Variants in VAT1L observed in about 807,000 individuals in gnomAD.
VAT1L encodes the protein putative NADPH-dependent quinone oxidoreductase VAT1L.
VAT1L carries 34 observed loss-of-function variants against 44.1 expected under a neutral mutation model. The observed-to-expected ratio is 0.77, with a 90% CI of 0.59 to 1.03. The LOEUF is 1.03. Among genes scored for constraint, VAT1L ranks in the 50% least tolerant of loss-of-function variants. VAT1L has a pLI of 0.00. For missense variants in VAT1L, 615 were observed against 538.8 expected (o/e 1.14, Z -1.40); for synonymous variants, 253 against 202.2 (o/e 1.25, Z -2.13).
chr16:77,789,605 T>A (rs1278390820), intron 1 of VAT1L, among the ~76,000 whole-genome samples: 1 of 152,120 alleles, frequency 6.6e-6, no homozygotes, highest in African/African-American at 2.4e-5. Context: ...AGAGGGTCGG[T>A]ACCTTGCACC....
At chr16:77,932,749 T>G (rs1255824809) in intron 7 of VAT1L, among the ~76,000 whole-genome samples, 1 of 152,180 alleles carries the variant, frequency 6.6e-6, no homozygotes, top group African/African-American at 2.4e-5. Context: ...CTGGCCACAG[T>G]ACCTCCAAGC....
At chr16:77,919,176 G>C (rs1348967236) in intron 7 of VAT1L, among the ~76,000 whole-genome samples, 1 of 152,132 alleles carries the variant, frequency 6.6e-6, no homozygotes, top group Non-Finnish European at 1.5e-5. Context: ...ATGTGTGCAT[G>C]TGCATGTGTG....
At chr16:77,858,965 G>A (rs548082570) in intron 3 of VAT1L, among the ~76,000 whole-genome samples, 45 of 151,988 alleles carry the variant, frequency 3.0e-4, no homozygotes, top group South Asian at 1.9e-3. Flanking sequence ...GAGAAACCCC[G>A]TCTCTACTAA....
chr16:77,919,919 T>C (rs774843553), intron 7 of VAT1L, among the ~76,000 whole-genome samples: 2 of 152,054 alleles, frequency 1.3e-5, no homozygotes, highest in Non-Finnish European at 2.9e-5. Flanking sequence ...AAACCCCATC[T>C]CTACTAAATA....
At chr16:77,974,678 T>C (rs1193423515) in intron 8 of VAT1L, among the ~76,000 whole-genome samples, 2 of 152,088 alleles carry the variant, frequency 1.3e-5, no homozygotes, top group Non-Finnish European at 2.9e-5. Context: ...TCCTCCCACC[T>C]CAGTCTCCTG....
chr16:77,829,084 C>G (rs59847330), intron 3 of VAT1L, among the ~76,000 whole-genome samples: 1 of 152,254 alleles, frequency 6.6e-6, no homozygotes, highest in East Asian at 1.9e-4. Context: ...AACTACGATT[C>G]GTACCTCAAT....
intron 2 of VAT1L, among the ~76,000 whole-genome samples, chr16:77,824,233 T>A (rs1436215458): frequency 1.3e-5 from 2 of 152,138 alleles, no homozygotes; most frequent in Non-Finnish European, 2.9e-5. Flanking sequence ...CACTGACACT[T>A]CCCAGGACTT....
intron 7 of VAT1L, among the ~76,000 whole-genome samples, chr16:77,954,487 T>G (rs541072120): frequency 9.9e-5 from 15 of 152,228 alleles, no homozygotes; most frequent in African/African-American, 3.6e-4. Flanking sequence ...TAGCCGGGTG[T>G]GGTAGCGCAT....
intron 7 of VAT1L, among the ~76,000 whole-genome samples, chr16:77,965,246 G>A (rs989483969): frequency 6.6e-6 from 1 of 152,186 alleles, no homozygotes; most frequent in South Asian, 2.1e-4. Context: ...ATGAATGAAT[G>A]AGTGAACGAA....
chr16:77,959,120 C>T (rs1959776721), intron 7 of VAT1L, among the ~76,000 whole-genome samples: 1 of 152,192 alleles, frequency 6.6e-6, no homozygotes, highest in African/African-American at 2.4e-5. Context: ...GCACGCCAGT[C>T]ACCTCCTCTG....
intron 7 of VAT1L, among the ~76,000 whole-genome samples, chr16:77,940,245 C>A (rs1300271261): frequency 6.6e-6 from 1 of 151,892 alleles, no homozygotes; most frequent in Non-Finnish European, 1.5e-5. Context: ...CAATTTCAAG[C>A]TACAAATGTG....
At chr16:77,866,091 G>T (rs1020057577) in intron 4 of VAT1L, among the ~76,000 whole-genome samples, 1 of 152,176 alleles carries the variant, frequency 6.6e-6, no homozygotes, top group East Asian at 1.9e-4. Flanking sequence ...TGCCCAGGAA[G>T]TTACAGATAC....
chr16:77,856,154 G>C (rs1304454541), intron 3 of VAT1L, among the ~76,000 whole-genome samples: 2 of 152,162 alleles, frequency 1.3e-5, no homozygotes, highest in Non-Finnish European at 2.9e-5. Flanking sequence ...CAAGCAGTGG[G>C]GATTGTATGT....
chr16:77,797,165 G>C (rs571270507), intron 1 of VAT1L, among the ~76,000 whole-genome samples: 2 of 151,336 alleles, frequency 1.3e-5, no homozygotes, highest in Admixed American at 1.3e-4. Flanking sequence ...AGGCTGGAGT[G>C]CAATGGCGCT....
intron 7 of VAT1L, among the ~76,000 whole-genome samples, chr16:77,934,416 G>A (rs1167584129): frequency 1.3e-5 from 2 of 151,964 alleles, no homozygotes; most frequent in Non-Finnish European, 2.9e-5. Flanking sequence ...CCTTGAGCTG[G>A]GGAGATTTGA....
rs1330300033 is a variant in VAT1L, at chr16:77,879,107, G to A, written c.827-62G>A. ...ACCAAACAATTGCCATTTTTTTCAT[G>A]CATAACAAGAGATGTCCATTTTCAT... On this transcript the variant is annotated intron_variant, in intron 5 of 8. Coordinates refer to ENST00000302536, the MANE Select transcript of VAT1L (RefSeq NM_020927.3). The surrounding 1 kb of genome is among the most constrained non-coding windows in gnomAD (Gnocchi z 4.1). The A allele has an allele frequency of 5.2e-6, 8 of 1,545,070 alleles. No homozygotes were observed. The highest frequency in any genetic ancestry group is 2.3e-5 in the South Asian group (2 of 87,794).
chr16:77,868,391 A>G (rs948560786), intron 4 of VAT1L, among the ~76,000 whole-genome samples: 1 of 152,344 alleles, frequency 6.6e-6, no homozygotes, highest in East Asian at 1.9e-4. Flanking sequence ...CCCATGCAAG[A>G]CAATGGGGTT....
At chr16:77,813,692 C>A (rs1293417577) in intron 1 of VAT1L, among the ~76,000 whole-genome samples, 1 of 152,220 alleles carries the variant, frequency 6.6e-6, no homozygotes, top group Non-Finnish European at 1.5e-5. Flanking sequence ...CTGTCACTCA[C>A]TTCTGTCTTT....
At position 77,977,652 on chromosome 16, in the gene VAT1L, A is replaced by G. The variant is rs1423925618; in HGVS notation, c.1217A>G (p.Glu406Gly). 1.2e-6 allele frequency: 2 copies of G among 1,614,008 alleles called. No individual in the cohort carries two copies. Among genetic ancestry groups the G allele is most frequent in the African/African-American group, 2.7e-5 (2 of 74,938 alleles). Residue 406 changes from glutamate to glycine, a missense_variant, in exon 9 of 9, where the codon GAG becomes GGG. Physicochemically the swap from Glu to Gly is moderately conservative, Grantham distance 98. Coordinates refer to ENST00000302536, the MANE Select transcript of VAT1L (RefSeq NM_020927.3). ...GCAGGGGAAGAGGAGGAGGACCACGAGGGAGACAGCGAGAACAAGGAGCGG... is the reference window on the plus strand; with the variant it reads ...GCAGGGGAAGAGGAGGAGGACCACGGGGGAGACAGCGAGAACAAGGAGCGG... ...SEAGEEEEDH[E>G]GDSENKERMP...
Sources: allele counts gnomAD v4.1 joint callset (sites outside exome capture counted in the v4.1 genomes callset), GRCh38; gene constraint gnomAD v4.1.1; non-coding constraint Gnocchi (gnomAD v3.1); transcripts MANE v1.5; gene names NCBI Gene and HGNC (gene_info 2026-07-23, HGNC 2026-07-21).